Variants in CTNNA2 observed in about 807,000 individuals in gnomAD.
CTNNA2 encodes the protein catenin alpha-2.
CTNNA2 carries 42 observed loss-of-function variants against 101.0 expected under a neutral mutation model. That is an observed-to-expected ratio of 0.42 (90% confidence interval 0.32 to 0.54). The LOEUF is 0.54. CTNNA2 is among the 20% of genes least tolerant of loss of function. The pLI is 0.14. For missense variants in CTNNA2, 871 were observed against 1,223.1 expected, an observed-to-expected ratio of 0.71 and a Z score of 4.29; for synonymous variants, 450 against 456.4, an observed-to-expected ratio of 0.99 and a Z score of 0.18.
chr2:79,962,838 G>A lies in CTNNA2; in HGVS notation c.1056+53041G>A, dbSNP rs1270517063. Among the ~76,000 whole-genome samples, 8 of 152,238 alleles carry A rather than the reference G, an allele frequency of 5.3e-5. No homozygotes were observed. The East Asian group carries it at 7.7e-4, about 15-fold the overall frequency. ...TGTAATCCCAGCACTTTGGGAGGCCGAGGCGGGCGGATCACGAGGTCAGGA... is the reference window on the plus strand; with the variant it reads ...TGTAATCCCAGCACTTTGGGAGGCCAAGGCGGGCGGATCACGAGGTCAGGA... On this transcript the variant is annotated intron_variant, in intron 7 of 18. Coordinates refer to ENST00000402739, the MANE Select transcript of CTNNA2 (RefSeq NM_001282597.3).
At chr2:80,166,214 A>G (rs1474208630) in intron 7 of CTNNA2, among the ~76,000 whole-genome samples, 1 of 152,130 alleles carries the variant, frequency 6.6e-6, no homozygotes, top group Non-Finnish European at 1.5e-5. Context: ...ACCTGAGTTT[A>G]GTTTATGCTA....
At chr2:80,646,892 A>G (rs1057486573) in intron 18 of CTNNA2, among the ~76,000 whole-genome samples, 18 of 152,146 alleles carry the variant, frequency 1.2e-4, no homozygotes, top group Admixed American at 1.2e-3. Context: ...CTAAAAGGGC[A>G]TGACGATAAT....
At chr2:79,685,457 A>T (rs1464434285) in intron 2 of CTNNA2, among the ~76,000 whole-genome samples, 1 of 152,218 alleles carries the variant, frequency 6.6e-6, no homozygotes, top group Non-Finnish European at 1.5e-5. Flanking sequence ...CCTACACGGC[A>T]GTCTGAAGTG....
At chr2:79,433,554 T>C (rs1458576594) in intron 4 of CTNNA2, among the ~76,000 whole-genome samples, 1 of 151,722 alleles carries the variant, frequency 6.6e-6, no homozygotes, top group African/African-American at 2.4e-5. Context: ...ATTTGTATTC[T>C]TGTGGCTTGT....
chr2:79,399,613 A>G (rs976119335), intron 4 of CTNNA2, among the ~76,000 whole-genome samples: 10 of 152,118 alleles, frequency 6.6e-5, no homozygotes, highest in African/African-American at 2.4e-4. Flanking sequence ...AGCAGTAACA[A>G]CAAGCCCAGG....
chr2:79,745,444 AT>A (rs1290392639), intron 3 of CTNNA2, among the ~76,000 whole-genome samples: 13 of 151,746 alleles, frequency 8.6e-5, no homozygotes, highest in African/African-American at 2.9e-4. Flanking sequence ...AAAAAAAAAA[AT>A]AAAATAAAAA....
chr2:79,652,323 C>A (rs1681318137), intron 2 of CTNNA2, among the ~76,000 whole-genome samples: 1 of 151,130 alleles, frequency 6.6e-6, no homozygotes, highest in Non-Finnish European at 1.5e-5. Flanking sequence ...TACTTAGTGG[C>A]TTGAAGCAGC....
chr2:79,306,187 AACTC>A (rs922141577), intron 2 of CTNNA2, among the ~76,000 whole-genome samples: 2 of 152,188 alleles, frequency 1.3e-5, no homozygotes, highest in Admixed American at 1.3e-4. Flanking sequence ...AAAGAAATTG[AACTC>A]ACTCAAGCAA....
intron 7 of CTNNA2, among the ~76,000 whole-genome samples, chr2:80,277,231 A>C (rs530165825): frequency 6.6e-6 from 1 of 152,252 alleles, no homozygotes; most frequent in South Asian, 2.1e-4. Context: ...GAATCTGGCC[A>C]CATCATTCTT....
intron 3 of CTNNA2, among the ~76,000 whole-genome samples, chr2:79,778,238 T>C (rs548441521): frequency 1.4e-5 from 2 of 141,312 alleles, no homozygotes; most frequent in African/African-American, 5.8e-5. Flanking sequence ...CCCAGCTACT[T>C]GGGAGGCTGA....
At chr2:79,831,269 G>A (rs1375093365) in intron 3 of CTNNA2, among the ~76,000 whole-genome samples, 1 of 151,776 alleles carries the variant, frequency 6.6e-6, no homozygotes, top group Non-Finnish European at 1.5e-5. Flanking sequence ...AAATAAATTT[G>A]GAAATAAGGA....
At chr2:79,528,419 G>A (rs1672548730) in intron 1 of CTNNA2, among the ~76,000 whole-genome samples, 1 of 151,938 alleles carries the variant, frequency 6.6e-6, no homozygotes, top group African/African-American at 2.4e-5. Flanking sequence ...AGGTCTTGCT[G>A]TATTGCCCAG....
chr2:80,513,065 A>G (rs1220954432), intron 9 of CTNNA2, among the ~76,000 whole-genome samples: 1 of 152,190 alleles, frequency 6.6e-6, no homozygotes, highest in African/African-American at 2.4e-5. Flanking sequence ...GAGTATACCC[A>G]CAAGTGCTCC....
intron 4 of CTNNA2, among the ~76,000 whole-genome samples, chr2:79,410,906 T>G (rs2104491206): frequency 6.6e-6 from 1 of 152,224 alleles, no homozygotes; most frequent in Non-Finnish European, 1.5e-5. Context: ...TCTGGTAGAA[T>G]TTGGCTGTGA....
At chr2:80,034,444 C>T (rs549034887) in intron 7 of CTNNA2, among the ~76,000 whole-genome samples, 10 of 150,738 alleles carry the variant, frequency 6.6e-5, no homozygotes, top group African/African-American at 2.5e-4. Flanking sequence ...ACTTCCACCT[C>T]CCAGGTTCAA....
chr2:79,604,808 C>T (rs1677780153), intron 1 of CTNNA2, among the ~76,000 whole-genome samples: 2 of 152,188 alleles, frequency 1.3e-5, no homozygotes, highest in South Asian at 4.2e-4. Context: ...ATGATTAGCC[C>T]CAGAATGATT....
intron 18 of CTNNA2, among the ~76,000 whole-genome samples, chr2:80,623,735 T>A (rs1671383503): frequency 6.6e-6 from 1 of 151,884 alleles, no homozygotes; most frequent in Non-Finnish European, 1.5e-5. Flanking sequence ...AGTCTGTAAT[T>A]AACTACCCCA....
chr2:80,374,152 G>A (rs1675706657), intron 7 of CTNNA2, among the ~76,000 whole-genome samples: 1 of 152,096 alleles, frequency 6.6e-6, no homozygotes, highest in South Asian at 2.1e-4. Context: ...GAAGTTCGAG[G>A]TGCAGGTCCC....
intron 7 of CTNNA2, among the ~76,000 whole-genome samples, chr2:80,289,968 CT>C (rs964402005): frequency 1.3e-5 from 2 of 152,148 alleles, no homozygotes; most frequent in Non-Finnish European, 2.9e-5. Context: ...TCAAAAGTCA[CT>C]GTGTGTGAGG....
Sources: allele counts gnomAD v4.1 joint callset (sites outside exome capture counted in the v4.1 genomes callset), GRCh38; gene constraint gnomAD v4.1.1; transcripts MANE v1.5; gene names NCBI Gene and HGNC (gene_info 2026-07-23, HGNC 2026-07-21).